ALPK2: variants seen among roughly 807,000 people sequenced by gnomAD.
The protein encoded by ALPK2 is alpha kinase 2, also known as alpha-protein kinase 2.
A neutral mutation model predicts 163.1 loss-of-function variants in ALPK2; 127 were observed. That is an observed-to-expected ratio of 0.78 (90% CI 0.67 to 0.90). The LOEUF (loss-of-function observed/expected upper bound fraction) is 0.90. Among genes scored for constraint, ALPK2 ranks in the 40% least tolerant of loss-of-function variants. ALPK2 has a pLI of 0.00. For missense variants in ALPK2, 2,360 were observed against 2,589.6 expected, an observed-to-expected ratio of 0.91 and a Z score of 1.92; for synonymous variants, 953 against 959.1, an observed-to-expected ratio of 0.99 and a Z score of 0.12.
chr18:58,615,179 T>C (rs189434260), intron 1 of ALPK2, among the ~76,000 whole-genome samples: 166 of 152,300 alleles, frequency 1.1e-3, no homozygotes, highest in African/African-American at 3.7e-3. Flanking sequence ...TTTGACCATA[T>C]TGTCACCTGT....
rs545984070 is a variant in ALPK2 at position 58,615,631 on chromosome 18, A to G, written c.-20-3814T>C. On this transcript the variant is annotated intron_variant, in intron 1 of 12. Coordinates refer to ENST00000361673, the MANE Select transcript of ALPK2 (RefSeq NM_052947.4). ...TCCTTTTCTGCTGTGGGTTACCACA[A>G]TGATTCTTTTTTAAAGTGATATACC... Among the ~76,000 whole-genome samples the G allele has an allele frequency of 2.0e-5, 3 of 152,342 alleles. 1 individual carries two copies. The highest frequency in any genetic ancestry group is 7.2e-5 in the African/African-American group (3 of 41,570).
chr18:58,536,243 T>C lies in ALPK2; in HGVS notation c.3944A>G (p.Lys1315Arg), dbSNP rs2051646660. ...SALADSRESH[K>R]GEEPTISVHW... ...TACACTGATGGTGGGCTCTTCGCCT[T>C]TATGGCTTTCTCTGCTATCAGCAAG... The change falls in exon 5 of 13, where the codon AAA (lysine) becomes AGA (arginine). Residue 1315 changes from lysine (K) to arginine (R), a missense_variant. Lys to Arg is a conservative substitution (Grantham distance 26, BLOSUM62 2). Coordinates refer to ENST00000361673, the MANE Select transcript of ALPK2 (RefSeq NM_052947.4). 1.2e-6 allele frequency: 2 copies of C among 1,614,080 alleles called. No individual in the cohort carries two copies. Among genetic ancestry groups the C allele is most frequent in the African/African-American group, 1.3e-5 (1 of 74,932 alleles).
At chr18:58,573,382 GTATATA>G (rs199640953) in intron 4 of ALPK2, among the ~76,000 whole-genome samples, 1 of 138,588 alleles carries the variant, frequency 7.2e-6, no homozygotes, top group Non-Finnish European at 1.6e-5. Context: ...ATATGTGTGT[GTATATA>G]TATATATGTG....
intron 12 of ALPK2, among the ~76,000 whole-genome samples, chr18:58,487,644 A>T (rs1245156961): frequency 6.6e-6 from 1 of 152,218 alleles, no homozygotes; most frequent in Non-Finnish European, 1.5e-5. Flanking sequence ...TCTAATTAGT[A>T]TAATTTTTTA....
In ALPK2 at chr18:58,536,602, C is replaced by T. The variant is rs1487015576; in HGVS notation, c.3585G>A (p.Val1195=). 1.9e-6 allele frequency: 3 copies of T among 1,614,020 alleles called. No homozygotes were observed. Among genetic ancestry groups the T allele is most frequent in the Non-Finnish European group, 2.5e-6 (3 of 1,180,030 alleles). ...QRSGWGTRVS[V]VAETAGEEDS... is the part of the protein sequence containing the mutation. Reference sequence around the variant, plus strand: ...CTTCTTCCCCAGCAGTTTCAGCCACCACGGAGACCCTCGTCCCCCAACCTG... The same window carrying T: ...CTTCTTCCCCAGCAGTTTCAGCCACTACGGAGACCCTCGTCCCCCAACCTG... The change falls in exon 5 of 13, where the codon GTG becomes GTA. Residue 1195 remains valine (V), a synonymous_variant. Coordinates refer to ENST00000361673, the MANE Select transcript of ALPK2 (RefSeq NM_052947.4).
At chr18:58,492,000 C>T (rs79668328) in intron 12 of ALPK2, among the ~76,000 whole-genome samples, 16,238 of 152,224 alleles carry the variant, frequency 0.11, 1,107 homozygotes, top group East Asian at 0.33. Context: ...AGTTGCACAG[C>T]GAGGGCTGCA....
At chr18:58,572,062 A>C (rs1368196348) in intron 4 of ALPK2, among the ~76,000 whole-genome samples, 1 of 152,184 alleles carries the variant, frequency 6.6e-6, no homozygotes, top group African/African-American at 2.4e-5. Context: ...ATTCAACCAT[A>C]AAATAACAGT....
chr18:58,534,888 G>A lies in ALPK2; in HGVS notation c.5299C>T (p.His1767Tyr), dbSNP rs7234999. The change falls in exon 5 of 13, where the codon CAC becomes TAC. Residue 1767 changes from histidine to tyrosine, a missense_variant. By Grantham distance (83) the His-to-Tyr change is moderately conservative. Coordinates refer to ENST00000361673, the MANE Select transcript of ALPK2 (RefSeq NM_052947.4). ...TTTGGGTCTTGTTTCTCTTCTGTGT[G>A]TGATAATGATGTTTCGAGTTTGGGC... ...KMPKLETSLS[H>Y]TEEKQDPKKP... 0.12 allele frequency: 199,522 copies of A among 1,613,860 alleles called. 13,314 individuals are homozygous for A. Among genetic ancestry groups the A allele is most frequent in the Middle Eastern group, 0.15 (911 of 6,060 alleles).
At chr18:58,543,374 A>C (rs1318018351) in intron 4 of ALPK2, 13 of 985,338 alleles carry the variant, frequency 1.3e-5, no homozygotes, top group Non-Finnish European at 1.4e-5. Context: ...ACCAGACCTC[A>C]GGCGGCTATG....
chr18:58,621,804 G>A, intron 1 of ALPK2, among the ~76,000 whole-genome samples: 1 of 152,122 alleles, frequency 6.6e-6, no homozygotes, highest in Non-Finnish European at 1.5e-5. Context: ...TAATAAACAA[G>A]TAAAAGCTAA....
chr18:58,499,771 C>A (rs575770812), intron 11 of ALPK2, among the ~76,000 whole-genome samples: 3 of 152,232 alleles, frequency 2.0e-5, no homozygotes, highest in Admixed American at 6.5e-5. Flanking sequence ...ACTGGCATTC[C>A]CCACCTCCAG....
At chr18:58,545,531 G>A (rs1012367821) in intron 4 of ALPK2, among the ~76,000 whole-genome samples, 1 of 152,124 alleles carries the variant, frequency 6.6e-6, no homozygotes, top group Non-Finnish European at 1.5e-5. Flanking sequence ...AGTGGGGGAG[G>A]GAGAATGGGA....
intron 4 of ALPK2, chr18:58,538,540 G>A (rs1318358822): frequency 6.8e-6 from 2 of 296,124 alleles, no homozygotes; most frequent in East Asian, 1.4e-4. Flanking sequence ...AATGTTAACT[G>A]TTTTGATCAA....
At chr18:58,543,102 TAAG>T (rs2051698951) in intron 4 of ALPK2, among the ~76,000 whole-genome samples, 1 of 152,098 alleles carries the variant, frequency 6.6e-6, no homozygotes, top group African/African-American at 2.4e-5. Context: ...GGAGGCTTCA[TAAG>T]AAGAGGAACA....
chr18:58,615,031 T>A (rs1479315992), intron 1 of ALPK2, among the ~76,000 whole-genome samples: 1 of 151,428 alleles, frequency 6.6e-6, no homozygotes, highest in Non-Finnish European at 1.5e-5. Flanking sequence ...CCCAGGCTGG[T>A]CTTGAATGCC....
chr18:58,582,590 T>C (rs993690503), intron 3 of ALPK2, among the ~76,000 whole-genome samples: 3 of 151,612 alleles, frequency 2.0e-5, no homozygotes, highest in Non-Finnish European at 4.4e-5. Context: ...CTGTGAAATA[T>C]TTAAAGAGAT....
At chr18:58,508,636 G>C (rs1265390268) in intron 10 of ALPK2, among the ~76,000 whole-genome samples, 4 of 152,204 alleles carry the variant, frequency 2.6e-5, no homozygotes, top group Middle Eastern at 3.2e-3. Context: ...TCAGGAAGTT[G>C]CCTATTTATA....
intron 8 of ALPK2, among the ~76,000 whole-genome samples, chr18:58,517,964 C>T (rs1231521129): frequency 6.6e-6 from 1 of 151,892 alleles, no homozygotes; most frequent in African/African-American, 2.4e-5. Context: ...GTGGATTCTA[C>T]ACATGTTTGA....
At position 58,537,516 on chromosome 18, in the gene ALPK2, T is replaced by TA; in HGVS notation, c.2670dup (p.Thr891TyrfsTer13). 1 of 1,612,994 alleles carries TA rather than the reference T, an allele frequency of 6.2e-7. No individual in the cohort carries two copies. The highest frequency in any genetic ancestry group is 1.1e-5 in the South Asian group (1 of 91,012). On this transcript the variant is annotated frameshift_variant, in exon 5 of 13. Coordinates refer to ENST00000361673, the MANE Select transcript of ALPK2 (RefSeq NM_052947.4). LOFTEE classifies it high-confidence loss of function. ...GAAATGTTCAAGGTGAAAGTACTGGTAAAAAGAGGGGACATGACTGAGTTG... is the reference window on the plus strand; with the variant it reads ...GAAATGTTCAAGGTGAAAGTACTGGTAAAAAAGAGGGGACATGACTGAGTTG...
Sources: gnomAD v4.1 joint callset for allele counts (sites outside exome capture counted in the v4.1 genomes callset) on GRCh38, gnomAD v4.1.1 for gene constraint, MANE v1.5 for transcripts, NCBI Gene and HGNC (gene_info 2026-07-23, HGNC 2026-07-21) for gene names.